GALC: variants seen among roughly 807,000 people sequenced by gnomAD.
GALC encodes galactocerebrosidase.
In GALC, 77 loss-of-function variants were observed where a neutral mutation model predicts 91.8. That is an observed-to-expected ratio of 0.84 (90% CI 0.70 to 1.01). The LOEUF (loss-of-function observed/expected upper bound fraction) is 1.01. Ranked by LOEUF, GALC falls within the 50% of genes least tolerant of loss-of-function variation. The pLI is 0.00. For missense variants in GALC, 882 were observed against 855.9 expected, an observed-to-expected ratio of 1.03 and a Z score of -0.38; for synonymous variants, 357 against 306.7, an observed-to-expected ratio of 1.16 and a Z score of -1.71.
intron 10 of GALC, among the ~76,000 whole-genome samples, chr14:87,960,164 C>T (rs1227241230): frequency 6.6e-6 from 1 of 151,620 alleles, no homozygotes; most frequent in African/African-American, 2.4e-5. Flanking sequence ...AGGAAGAGGT[C>T]GGTCAACGGG....
rs764592856 is a variant in GALC at position 87,965,623 on chromosome 14, G to A, written c.915C>T (p.Ile305=). ...AGTAACTAGCCACTAAATTCCATGCGATTGTGCTAAAAGATTTGATAAAAA... is the reference window on the plus strand; with the variant it reads ...AGTAACTAGCCACTAAATTCCATGCAATTGTGCTAAAAGATTTGATAAAAA... ...NYINGYMTST[I]AWNLVASYYE... is the part of the protein sequence containing the mutation. Residue 305 remains isoleucine, a synonymous_variant, in exon 9 of 17, where the codon ATC becomes ATT. Coordinates refer to ENST00000261304, the MANE Select transcript of GALC (RefSeq NM_000153.4). 22 of 1,613,094 alleles carry A rather than the reference G, an allele frequency of 1.4e-5. No individual in the cohort carries two copies. Among genetic ancestry groups the A allele is most frequent in the Middle Eastern group, 1.7e-4 (1 of 6,054 alleles).
chr14:87,978,825 C>CAAA (rs575209127), intron 6 of GALC, among the ~76,000 whole-genome samples: 2 of 112,380 alleles, frequency 1.8e-5, no homozygotes, highest in Admixed American at 9.3e-5. Flanking sequence ...ATATCAGTAG[C>CAAA]AAAAAAAAAA....
At chr14:87,940,428 A>G (rs951387143) in intron 15 of GALC, among the ~76,000 whole-genome samples, 7 of 151,926 alleles carry the variant, frequency 4.6e-5, no homozygotes, top group African/African-American at 1.7e-4. Flanking sequence ...AATTAGTGTT[A>G]TTTGAATGCC....
At chr14:87,990,648 C>A (rs1166437139) in intron 1 of GALC, among the ~76,000 whole-genome samples, 1 of 152,168 alleles carries the variant, frequency 6.6e-6, no homozygotes, top group East Asian at 1.9e-4. Context: ...TAATACTGTG[C>A]GTTTTGCTGT....
At chr14:87,980,111 A>C (rs930023908) in intron 6 of GALC, among the ~76,000 whole-genome samples, 1 of 152,182 alleles carries the variant, frequency 6.6e-6, no homozygotes, top group Non-Finnish European at 1.5e-5. Flanking sequence ...GGCTGGGCGC[A>C]GTGGCTCATG....
rs1884450658 is a variant in GALC, at chr14:87,933,587, A to G, written c.*1145T>C. On this transcript the variant is annotated 3_prime_UTR_variant, in exon 17 of 17. Transcript: ENST00000261304. ...GCAATGCAAAACTTCACTGTAGCTA[A>G]GCCTATGTTAGACTCTTACAAATTC... The G allele has an allele frequency of 6.0e-6, 1 of 167,326 alleles. No homozygotes were observed. The highest frequency in any genetic ancestry group is 6.3e-5 in the Admixed American group (1 of 15,760). 10.4% of individuals were successfully genotyped at this position (167,326 alleles called of 1,614,324 possible). A position where few individuals can be genotyped will look rare whatever the true frequency, so the allele number is the denominator to read the frequency against.
chr14:87,981,828 T>C (rs1207182807), intron 6 of GALC, among the ~76,000 whole-genome samples: 3 of 152,094 alleles, frequency 2.0e-5, no homozygotes, highest in Non-Finnish European at 4.4e-5. Context: ...AATTAGAATA[T>C]ATGCCATAAG....
chr14:87,980,856 C>T (rs17203370), intron 6 of GALC, among the ~76,000 whole-genome samples: 9,318 of 152,192 alleles, frequency 0.061, 353 homozygotes, highest in Non-Finnish European at 0.076. Flanking sequence ...CAAATAAATG[C>T]TCTATGATTA....
chr14:87,977,815 T>C (rs1004095933), intron 6 of GALC, among the ~76,000 whole-genome samples: 26 of 152,192 alleles, frequency 1.7e-4, no homozygotes, highest in African/African-American at 6.3e-4. Context: ...GGTATACTTT[T>C]CAACAGACAG....
At chr14:87,953,873 C>A (rs1193124910) in intron 10 of GALC, 1 of 1,610,040 alleles carries the variant, frequency 6.2e-7, no homozygotes, top group South Asian at 1.1e-5. Flanking sequence ...ACATAAAATT[C>A]GGACCAAATT....
Position 87,993,148 on chromosome 14 carries a change from A to C in GALC, c.17T>G (p.Leu6Arg). 1 of 1,583,800 alleles carries C rather than the reference A, an allele frequency of 6.3e-7. No homozygotes were observed. Among genetic ancestry groups the C allele is most frequent in the Non-Finnish European group, 8.6e-7 (1 of 1,166,086 alleles). Reference sequence around the variant, plus strand: ...CGCTCGGCGTTGCCAGGAAGCCGAGAGTAGCCACTCAGCCATTGTGTGGGT... The same window carrying C: ...CGCTCGGCGTTGCCAGGAAGCCGAGCGTAGCCACTCAGCCATTGTGTGGGT... Reference protein sequence around the residue: MAEWLLSASWQRRAKA... With the variant: MAEWLRSASWQRRAKA... The change falls in exon 1 of 17, where the codon CTC (leucine) becomes CGC (arginine). Residue 6 changes from leucine (L) to arginine (R), a missense_variant. By Grantham distance (102) the Leu-to-Arg change is moderately radical (BLOSUM62 -2). Transcript: ENST00000261304.
intron 5 of GALC, among the ~76,000 whole-genome samples, chr14:87,982,802 T>C (rs111958806): frequency 0.013 from 1,936 of 152,216 alleles, 17 homozygotes; most frequent in Non-Finnish European, 0.02. Context: ...TGAAAGAACT[T>C]CCATAACTCC....
At position 87,970,872 on chromosome 14, in the gene GALC, T is replaced by C. The variant is rs190099313; in HGVS notation, c.753-2382A>G. On this transcript the variant is annotated intron_variant, in intron 7 of 16. Coordinates refer to ENST00000261304, the MANE Select transcript of GALC (RefSeq NM_000153.4). Reference sequence around the variant, plus strand: ...CGACAGAGGACAGAGTGAGACTCTGTCTCAAAAAAAAAAAAAAAAAAAAAG... The same window carrying C: ...CGACAGAGGACAGAGTGAGACTCTGCCTCAAAAAAAAAAAAAAAAAAAAAG... Among the ~76,000 whole-genome samples, 936 of 107,116 alleles carry C rather than the reference T, an allele frequency of 8.7e-3. 14 individuals are homozygous for C. The highest frequency in any genetic ancestry group is 0.048 in the East Asian group (199 of 4,124). 70.3% of individuals were successfully genotyped at this position (107,116 alleles called of 152,430 possible).
intron 10 of GALC, 143 bp downstream of exon 10, chr14:87,963,241 A>T: frequency 1.2e-6 from 1 of 847,630 alleles, no homozygotes; most frequent in Non-Finnish European, 1.9e-6. Context: ...CATGGCTAAA[A>T]TTTTTTAAAT....
rs1221557143 is a variant in GALC, at chr14:87,965,491, G to C, written c.1033+14C>G. 8 of 1,612,948 alleles carry C rather than the reference G, an allele frequency of 5.0e-6. No homozygotes were observed. The highest frequency in any genetic ancestry group is 1.7e-4 in the Middle Eastern group (1 of 6,048). ...AGAAGAATTTAGGGAGTGAGAGATG[G>C]AACTGAACCATACCTGATACCCAGA... On this transcript the variant is annotated intron_variant, in intron 9 of 16. Coordinates refer to ENST00000261304, the MANE Select transcript of GALC (RefSeq NM_000153.4).
intron 8 of GALC, among the ~76,000 whole-genome samples, chr14:87,967,055 G>A (rs1204161170): frequency 6.6e-6 from 1 of 152,144 alleles, no homozygotes; most frequent in Non-Finnish European, 1.5e-5. Context: ...ATAACAACGA[G>A]TGTCTCGGGT....
Position 87,975,882 on chromosome 14 carries a change from T to A in GALC, c.752+476A>T, listed in dbSNP as rs1251051407. On this transcript the variant is annotated intron_variant, in intron 7 of 16. Coordinates refer to ENST00000261304, the MANE Select transcript of GALC (RefSeq NM_000153.4). The stretch of plus-strand genomic sequence containing the variant: ...AACCCAATGAGGTCAGGGCCCAGAG[T>A]GCTAAAAGGCAGAAATGGAATAAAG... Among the ~76,000 whole-genome samples the A allele has an allele frequency of 2.6e-5, 4 of 151,742 alleles. No individual in the cohort carries two copies. In the South Asian group the frequency reaches 6.2e-4, roughly 24 times the overall value.
intron 12 of GALC, among the ~76,000 whole-genome samples, chr14:87,948,420 TCTC>T (rs1313373232): frequency 1.3e-5 from 2 of 152,122 alleles, no homozygotes; most frequent in Non-Finnish European, 2.9e-5. Context: ...TAAGTCACAA[TCTC>T]CTCATCTACA....
chr14:87,965,133 C>A (rs1885980390), intron 9 of GALC, among the ~76,000 whole-genome samples: 2 of 152,098 alleles, frequency 1.3e-5, no homozygotes, highest in African/African-American at 4.8e-5. Context: ...TATAAGAGAA[C>A]AAAATGTCTT....
Sources: allele counts gnomAD v4.1 joint callset (sites outside exome capture counted in the v4.1 genomes callset), GRCh38; gene constraint gnomAD v4.1.1; transcripts MANE v1.5; gene names NCBI Gene and HGNC (gene_info 2026-07-23, HGNC 2026-07-21).